Variants in TVP23B observed in about 807,000 individuals in gnomAD.
The protein encoded by TVP23B is trans-golgi network vesicle protein 23 homolog B.
In TVP23B, 10 loss-of-function variants were observed where a neutral mutation model predicts 30.6. That is an observed-to-expected ratio of 0.33 (90% confidence interval 0.20 to 0.55). The LOEUF (loss-of-function observed/expected upper bound fraction) is 0.55, where lower values mean the gene tolerates loss of function less well. Among genes scored for constraint, TVP23B ranks in the 20% least tolerant of loss-of-function variants. The probability of loss-of-function intolerance (pLI) is 0.91; values close to 1 mark genes in which losing one functional copy is unlikely to be tolerated. For missense variants in TVP23B, 153 were observed against 243.2 expected, an observed-to-expected ratio of 0.63 and a Z score of 2.47; for synonymous variants, 67 against 83.1, an observed-to-expected ratio of 0.81 and a Z score of 1.06.
intron 2 of TVP23B, chr17:18,789,688 A>G (rs1236912502): frequency 7.0e-6 from 3 of 428,228 alleles, no homozygotes; most frequent in Admixed American, 4.0e-5. Context: ...ATTCTGTGCT[A>G]TTTTCCAAGA....
At chr17:18,784,401 C>T (rs1336207671) in intron 1 of TVP23B, among the ~76,000 whole-genome samples, 1 of 152,206 alleles carries the variant, frequency 6.6e-6, no homozygotes, top group Admixed American at 6.5e-5. Context: ...AATCCCAGCA[C>T]TTTGGGAGGC....
chr17:18,789,394 G>T lies in TVP23B; in HGVS notation c.54G>T (p.Ala18=), dbSNP rs536261828. The T allele has an allele frequency of 1.1e-5, 17 of 1,613,974 alleles. No individual in the cohort carries two copies. Among genetic ancestry groups the T allele is most frequent in the Non-Finnish European group, 1.4e-5 (17 of 1,179,860 alleles). The change falls in exon 2 of 7, where the codon GCG becomes GCT. Residue 18 remains alanine (A), a synonymous_variant. Coordinates refer to ENST00000307767, the MANE Select transcript of TVP23B (RefSeq NM_016078.6). ...DDTEDVSLFD[A]EEETTNRPRK... The stretch of plus-strand genomic sequence containing the variant: ...CTGAAGATGTTTCACTGTTTGATGC[G>T]GAAGAGGAGACGACTAATAGACCAA...
intron 5 of TVP23B, among the ~76,000 whole-genome samples, chr17:18,801,951 G>C (rs917732745): frequency 4.3e-4 from 65 of 152,178 alleles, no homozygotes; most frequent in African/African-American, 1.4e-4. Flanking sequence ...CCTCGGCATG[G>C]TGGCTCATGC....
intron 2 of TVP23B, among the ~76,000 whole-genome samples, chr17:18,790,576 G>A (rs1434659174): frequency 6.6e-6 from 1 of 151,976 alleles, no homozygotes; most frequent in African/African-American, 2.4e-5. Flanking sequence ...TTTGAAAATA[G>A]GATTCAAATT....
chr17:18,804,736 A>C (rs1316474762), intron 6 of TVP23B: 1 of 333,148 alleles, frequency 3.0e-6, no homozygotes, highest in African/African-American at 2.3e-5. Context: ...TTACAGGCGC[A>C]TGCCACCACG....
intron 5 of TVP23B, among the ~76,000 whole-genome samples, chr17:18,803,028 C>A (rs2036192222): frequency 6.6e-6 from 1 of 152,172 alleles, no homozygotes; most frequent in Admixed American, 6.5e-5. Flanking sequence ...GAATGTGAAA[C>A]CTGTTCATTA....
chr17:18,802,495 G>A (rs2036183420), intron 5 of TVP23B, among the ~76,000 whole-genome samples: 1 of 149,192 alleles, frequency 6.7e-6, no homozygotes, highest in African/African-American at 2.5e-5. Flanking sequence ...TTTTTTCTCG[G>A]GTCTTTTGCT....
At chr17:18,790,532 G>C (rs1381983801) in intron 2 of TVP23B, among the ~76,000 whole-genome samples, 1 of 151,768 alleles carries the variant, frequency 6.6e-6, no homozygotes, top group Non-Finnish European at 1.5e-5. Flanking sequence ...ATGTCTGAGT[G>C]ATTTCTGAGG....
At chr17:18,790,383 G>T (rs1275706329) in intron 2 of TVP23B, among the ~76,000 whole-genome samples, 1 of 148,898 alleles carries the variant, frequency 6.7e-6, no homozygotes, top group African/African-American at 2.5e-5. Context: ...ACAATGGCGT[G>T]AACCCAGGAG....
chr17:18,805,401 A>C, intron 6 of TVP23B, 140 bp from the exon 7 acceptor site: 1 of 1,439,318 alleles, frequency 6.9e-7, no homozygotes, highest in Middle Eastern at 1.8e-4. Context: ...TCTACTTTTT[A>C]ATGTGATTGG....
In TVP23B at chr17:18,805,747, G is replaced by T. The variant is rs2036241756; in HGVS notation, c.*180G>T. The T allele has an allele frequency of 7.0e-7, 1 of 1,435,590 alleles. No homozygotes were observed. The highest frequency in any genetic ancestry group is 9.1e-7 in the Non-Finnish European group (1 of 1,095,954). 88.9% of individuals were successfully genotyped at this position (1,435,590 alleles called of 1,614,324 possible). A position where few individuals can be genotyped will look rare whatever the true frequency, so the allele number is the denominator to read the frequency against. ...TTAAGTTTTTATTTCCTTTCCAGCAGTTGGGGCTAGAAAGTATGTGTTGGC... is the reference window on the plus strand; with the variant it reads ...TTAAGTTTTTATTTCCTTTCCAGCATTTGGGGCTAGAAAGTATGTGTTGGC... On this transcript the variant is annotated 3_prime_UTR_variant, in exon 7 of 7. Transcript: ENST00000307767.
At chr17:18,783,353 G>C (rs1032312429) in intron 1 of TVP23B, among the ~76,000 whole-genome samples, 15 of 152,064 alleles carry the variant, frequency 9.9e-5, no homozygotes, top group Non-Finnish European at 1.6e-4. Flanking sequence ...TGATCCACCC[G>C]CCTCAGCCTT....
At chr17:18,800,598 GCTTA>G (rs1389834426) in intron 5 of TVP23B, among the ~76,000 whole-genome samples, 1 of 151,456 alleles carries the variant, frequency 6.6e-6, no homozygotes, top group African/African-American at 2.4e-5. Flanking sequence ...CTGAGGCCAG[GCTTA>G]CTTAACCTTT....
chr17:18,786,558 C>T (rs1390094702), intron 1 of TVP23B, among the ~76,000 whole-genome samples: 3 of 152,182 alleles, frequency 2.0e-5, no homozygotes, highest in Non-Finnish European at 2.9e-5. Context: ...TAACATCATA[C>T]GGTGGATCTC....
chr17:18,795,902 G>T (rs190402366), intron 3 of TVP23B: 5 of 151,288 alleles, frequency 3.3e-5, no homozygotes, highest in African/African-American at 1.2e-4. Context: ...ATTATCATAG[G>T]TATGTACTTA....
intron 5 of TVP23B, among the ~76,000 whole-genome samples, chr17:18,799,862 A>T (rs1181624354): frequency 6.6e-6 from 1 of 151,798 alleles, no homozygotes; most frequent in Non-Finnish European, 1.5e-5. Context: ...CTATTTTGCG[A>T]TATAGATTCT....
In TVP23B at chr17:18,792,252, T is replaced by C. The variant is rs1004728353; in HGVS notation, c.240+1212T>C. Among the ~76,000 whole-genome samples, 10 of 152,270 alleles carry C rather than the reference T, an allele frequency of 6.6e-5. 1 individual carries two copies. Among genetic ancestry groups the C allele is most frequent in the Admixed American group, 6.5e-4 (10 of 15,292 alleles). ...GGTTTCTCCATGTTGGTCAGGCTGG[T>C]CTCGAACTTCTGACCTCAAGGGATC... On this transcript the variant is annotated intron_variant, in intron 3 of 6. Coordinates refer to ENST00000307767, the MANE Select transcript of TVP23B (RefSeq NM_016078.6).
Position 18,797,524 on chromosome 17 carries a change from A to G in TVP23B, c.241-55A>G, listed in dbSNP as rs1160354095. The G allele has an allele frequency of 6.8e-6, 11 of 1,612,956 alleles. No homozygotes were observed. The Middle Eastern group carries it at 5.0e-4, about 73-fold the overall frequency. ...TGTTACACTAAGATAGGAGCTTGTG[A>G]TAGATCTTTAAATAATGCTTTTAAA... On this transcript the variant is annotated intron_variant, in intron 3 of 6. Coordinates refer to ENST00000307767, the MANE Select transcript of TVP23B (RefSeq NM_016078.6).
chr17:18,805,675 T>C lies in TVP23B; in HGVS notation c.*108T>C, dbSNP rs2036240741. ...TGCAACGAGGAGTGTTGGCTTTGTT[T>C]TTCCACTTAAAAACTTTATTTATAA... On this transcript the variant is annotated 3_prime_UTR_variant, in exon 7 of 7. Transcript: ENST00000307767. 6.6e-7 allele frequency: 1 copy of C among 1,505,928 alleles called. No individual in the cohort carries two copies. 93.3% of individuals were successfully genotyped at this position (1,505,928 alleles called of 1,614,324 possible).
Sources: gnomAD v4.1 joint callset for allele counts (sites outside exome capture counted in the v4.1 genomes callset) on GRCh38, gnomAD v4.1.1 for gene constraint, MANE v1.5 for transcripts, NCBI Gene and HGNC (gene_info 2026-07-23, HGNC 2026-07-21) for gene names.